Variants in NSRP1 observed in about 807,000 individuals in gnomAD.
NSRP1 encodes coiled-coil domain containing 55.
Under a neutral mutation model 54.7 loss-of-function variants are expected in NSRP1, and 24 were observed. That is an observed-to-expected ratio of 0.44 (90% CI 0.32 to 0.62). The LOEUF is 0.62. Among genes scored for constraint, NSRP1 ranks in the 20% least tolerant of loss-of-function variants. The pLI, the probability that NSRP1 is intolerant of heterozygous loss-of-function variation, is 0.06. For missense variants in NSRP1, 596 were observed against 651.2 expected (o/e 0.92, Z 0.92); for synonymous variants, 210 against 213.8 (o/e 0.98, Z 0.15).
At chr17:30,150,626 T>A (rs1331196538) in intron 2 of NSRP1, 1 of 145,382 alleles carries the variant, frequency 6.9e-6, no homozygotes, top group Non-Finnish European at 1.5e-5. Context: ...CTCCTCGGCC[T>A]CCCAAAGTGC....
chr17:30,150,057 ATAATG>A (rs2071891652), intron 2 of NSRP1: 2 of 152,186 alleles, frequency 1.3e-5, no homozygotes, highest in Non-Finnish European at 2.9e-5. Flanking sequence ...ATGGAATAAT[ATAATG>A]TAATACATGT....
At chr17:30,163,656 T>TTA (rs1227944035) in intron 2 of NSRP1, among the ~76,000 whole-genome samples, 1 of 151,172 alleles carries the variant, frequency 6.6e-6, no homozygotes, top group Non-Finnish European at 1.5e-5. Context: ...ATTCTGCAGT[T>TTA]TATGGTGCCT....
At chr17:30,182,048 C>CTTTT (rs10549815) in intron 6 of NSRP1, among the ~76,000 whole-genome samples, 4 of 98,342 alleles carry the variant, frequency 4.1e-5, no homozygotes, top group Non-Finnish European at 5.9e-5. Context: ...CACCTGGCTG[C>CTTTT]TTTTTTTTTT....
chr17:30,154,080 G>A (rs970799705), intron 2 of NSRP1, among the ~76,000 whole-genome samples: 1 of 152,090 alleles, frequency 6.6e-6, no homozygotes, highest in Non-Finnish European at 1.5e-5. Flanking sequence ...ACTTTGGGAG[G>A]CCGAGGCAGG....
At chr17:30,156,006 A>AT (rs1457326401) in intron 2 of NSRP1, among the ~76,000 whole-genome samples, 3 of 151,452 alleles carry the variant, frequency 2.0e-5, no homozygotes, top group Admixed American at 2.0e-4. Flanking sequence ...AACCCGGCTA[A>AT]TTTTTATACT....
chr17:30,138,519 T>A (rs1328737610), intron 2 of NSRP1, among the ~76,000 whole-genome samples: 3 of 152,244 alleles, frequency 2.0e-5, no homozygotes, highest in Non-Finnish European at 2.9e-5. Flanking sequence ...ATGTAAATAC[T>A]ATGTAAATAG....
At chr17:30,173,984 C>T (rs1247790316) in intron 3 of NSRP1, among the ~76,000 whole-genome samples, 1 of 152,138 alleles carries the variant, frequency 6.6e-6, no homozygotes, top group East Asian at 1.9e-4. Flanking sequence ...ACATAAAAAA[C>T]AGTGATTATT....
At chr17:30,166,327 GT>G (rs745631631) in intron 2 of NSRP1, among the ~76,000 whole-genome samples, 47 of 152,124 alleles carry the variant, frequency 3.1e-4, no homozygotes, top group Non-Finnish European at 5.1e-4. Context: ...TATAAGTTTT[GT>G]TTTATTCACA....
At chr17:30,167,299 A>G (rs987655602) in intron 2 of NSRP1, among the ~76,000 whole-genome samples, 1 of 152,126 alleles carries the variant, frequency 6.6e-6, no homozygotes, top group Non-Finnish European at 1.5e-5. Flanking sequence ...AAAAACGTAA[A>G]AAGACTTGAC....
chr17:30,185,639 A>G lies in NSRP1; in HGVS notation c.1642A>G (p.Asn548Asp), dbSNP rs1400695653. The G allele has an allele frequency of 6.2e-7, 1 of 1,609,390 alleles. No homozygotes were observed. Among genetic ancestry groups the G allele is most frequent in the South Asian group, 1.1e-5 (1 of 90,136 alleles). Residue 548 changes from asparagine (N) to aspartate (D), a missense_variant, in exon 7 of 7, where the codon AAT becomes GAT. Coordinates refer to ENST00000247026, the MANE Select transcript of NSRP1 (RefSeq NM_032141.4). ...CTTGGCCAGGCAGATGGCGCGGGTT[A>G]ATGCAAAGACCTATATTGAGAAAGA... ...RYLARQMARV[N>D]AKTYIEKEDD
intron 2 of NSRP1, among the ~76,000 whole-genome samples, chr17:30,132,062 C>T (rs1478819147): frequency 6.6e-6 from 1 of 151,898 alleles, no homozygotes; most frequent in African/African-American, 2.4e-5. Context: ...TCCTGGCTAA[C>T]ATGGTGAAAC....
At position 30,155,701 on chromosome 17, in the gene NSRP1, G is replaced by A. The variant is rs533323101; in HGVS notation, c.115-16841G>A. Among the ~76,000 whole-genome samples, 5 of 152,060 alleles carry A rather than the reference G, an allele frequency of 3.3e-5. No individual in the cohort carries two copies. In the East Asian group the frequency reaches 5.8e-4, roughly 18 times the overall value. On this transcript the variant is annotated intron_variant, in intron 2 of 6. Transcript: ENST00000247026. ...GCTAGGACTACAGACGTACACCATC[G>A]TGTGGCTTTTTTCTTTTTTTAAGCA... is the stretch of plus-strand genomic sequence containing the variant.
Position 30,185,671 on chromosome 17 carries a change from T to C in NSRP1, c.1674T>C (p.Asp558=). 3.2e-6 allele frequency: 5 copies of C among 1,561,386 alleles called. No individual in the cohort carries two copies. Among genetic ancestry groups the C allele is most frequent in the Non-Finnish European group, 4.3e-6 (5 of 1,159,562 alleles). Residue 558 remains aspartate (D), a synonymous_variant, in exon 7 of 7, where the codon GAT becomes GAC. Coordinates refer to ENST00000247026, the MANE Select transcript of NSRP1 (RefSeq NM_032141.4). ...AGACCTATATTGAGAAAGAAGATGA[T>C]TGATGGCTACCCCAAGAGAAAGATT... The part of the protein sequence containing the change: ...NAKTYIEKED[D]
intron 2 of NSRP1, among the ~76,000 whole-genome samples, chr17:30,154,775 AT>A (rs1567799007): frequency 6.6e-6 from 1 of 152,018 alleles, no homozygotes; most frequent in East Asian, 1.9e-4. Flanking sequence ...AGTGTTTCAG[AT>A]TTCAGATTTT....
intron 2 of NSRP1, among the ~76,000 whole-genome samples, chr17:30,135,821 G>T (rs2071746196): frequency 6.6e-6 from 1 of 152,116 alleles, no homozygotes; most frequent in African/African-American, 2.4e-5. Context: ...TGCATCTCAT[G>T]CCCCCATTCA....
chr17:30,179,988 C>T (rs1270746323), intron 5 of NSRP1, among the ~76,000 whole-genome samples: 3 of 151,894 alleles, frequency 2.0e-5, no homozygotes, highest in African/African-American at 7.3e-5. Context: ...GGGAACATAC[C>T]ACCACGTCTG....
At chr17:30,176,256 A>T (rs1050844300) in intron 3 of NSRP1, among the ~76,000 whole-genome samples, 1 of 152,128 alleles carries the variant, frequency 6.6e-6, no homozygotes, top group Non-Finnish European at 1.5e-5. Context: ...ATAGTAACAT[A>T]TCTACTCAAG....
intron 2 of NSRP1, among the ~76,000 whole-genome samples, chr17:30,133,932 TG>T: frequency 6.6e-6 from 1 of 152,262 alleles, no homozygotes; most frequent in Middle Eastern, 3.4e-3. Context: ...AGAACTTGAC[TG>T]TTTGACTGCA....
chr17:30,145,387 A>G (rs1288869889), intron 2 of NSRP1, among the ~76,000 whole-genome samples: 1 of 152,206 alleles, frequency 6.6e-6, no homozygotes, highest in African/African-American at 2.4e-5. Flanking sequence ...GGTTGAGACC[A>G]TTCTGGCCAA....
Sources: gnomAD v4.1 joint callset for allele counts (sites outside exome capture counted in the v4.1 genomes callset) on GRCh38, gnomAD v4.1.1 for gene constraint, MANE v1.5 for transcripts, NCBI Gene and HGNC (gene_info 2026-07-23, HGNC 2026-07-21) for gene names.